The following AGK variants were observed in gnomAD, a reference collection of about 807,000 sequenced individuals.
The protein encoded by AGK is acylglycerol kinase, mitochondrial.
A neutral mutation model predicts 66.4 loss-of-function variants in AGK; 52 were observed. That is an observed-to-expected ratio of 0.78 (90% CI 0.63 to 0.99). The LOEUF is 0.99. AGK is among the 50% of genes least tolerant of loss of function. The probability of loss-of-function intolerance (pLI) is 0.00; values close to 1 mark genes in which losing one functional copy is unlikely to be tolerated. For synonymous variants in AGK, 182 were observed against 181.1 expected, an observed-to-expected ratio of 1.00 and a Z score of -0.04; for missense variants, 451 against 506.6, an observed-to-expected ratio of 0.89 and a Z score of 1.05.
intron 3 of AGK, among the ~76,000 whole-genome samples, chr7:141,595,136 C>T (rs1796201955): frequency 6.6e-6 from 1 of 152,144 alleles, no homozygotes; most frequent in Non-Finnish European, 1.5e-5. Flanking sequence ...TTAATGTAGT[C>T]TCACATAAAC....
rs548737155 is a variant in AGK at position 141,585,773 on chromosome 7, C to A, written c.102-7373C>A. Among the ~76,000 whole-genome samples the A allele has an allele frequency of 5.9e-5, 9 of 152,270 alleles. No individual in the cohort carries two copies. In the South Asian group the frequency reaches 1.9e-3, roughly 32 times the overall value. On this transcript the variant is annotated intron_variant, in intron 2 of 15. Coordinates refer to ENST00000649286, the MANE Select transcript of AGK (RefSeq NM_018238.4). Reference sequence around the variant, plus strand: ...CTATAGTAGCAGGCATGTTCTTATTCTTTTCAAGCCTCAGGCAGAGTGACA... The same window carrying A: ...CTATAGTAGCAGGCATGTTCTTATTATTTTCAAGCCTCAGGCAGAGTGACA...
intron 4 of AGK, chr7:141,597,308 G>A (rs566029209): frequency 9.2e-5 from 14 of 152,448 alleles, no homozygotes; most frequent in African/African-American, 2.4e-4. Context: ...ACACTAAAAC[G>A]TGGAGAGGCT....
intron 9 of AGK, among the ~76,000 whole-genome samples, chr7:141,632,640 A>G (rs1199869736): frequency 2.6e-5 from 4 of 152,182 alleles, no homozygotes; most frequent in Admixed American, 6.5e-5. Context: ...AAGCCCTGTT[A>G]TCTTACACAC....
At chr7:141,577,969 C>T (rs547551453) in intron 2 of AGK, among the ~76,000 whole-genome samples, 9 of 152,132 alleles carry the variant, frequency 5.9e-5, no homozygotes, top group South Asian at 2.1e-4. Flanking sequence ...CATGCCACCA[C>T]GCCCAGCTAA....
chr7:141,614,104 A>T, intron 6 of AGK, 42 bp from the exon 7 acceptor site: 1 of 1,359,600 alleles, frequency 7.4e-7, no homozygotes, highest in South Asian at 1.3e-5. Context: ...TGTAAAGGAA[A>T]TACATATTAT....
intron 9 of AGK, among the ~76,000 whole-genome samples, chr7:141,629,716 C>T (rs1005150186): frequency 1.3e-5 from 2 of 152,144 alleles, no homozygotes; most frequent in Non-Finnish European, 2.9e-5. Flanking sequence ...CAGCACTCCA[C>T]ATCAGTGGAA....
rs537846768 is a variant in AGK, at chr7:141,614,001, T to C, written c.391-145T>C. On this transcript the variant is annotated intron_variant, in intron 6 of 15. Transcript: ENST00000649286. ...TCTGATTCTATTGGAGAATACTATA[T>C]GTTTTAAGATCCAGTGCATCTTTTA... The C allele has an allele frequency of 1.4e-5, 8 of 586,058 alleles. 1 individual carries two copies. In the South Asian group the frequency reaches 1.6e-4, roughly 12 times the overall value. 36.3% of individuals were successfully genotyped at this position (586,058 alleles called of 1,614,324 possible).
intron 11 of AGK, among the ~76,000 whole-genome samples, chr7:141,637,532 A>T (rs1005495824): frequency 2.0e-5 from 3 of 152,098 alleles, no homozygotes; most frequent in African/African-American, 7.2e-5. Context: ...GGGCACTGCT[A>T]CTCTATATGA....
intron 5 of AGK, among the ~76,000 whole-genome samples, chr7:141,603,369 C>T (rs918311459): frequency 6.6e-6 from 1 of 151,964 alleles, no homozygotes; most frequent in Non-Finnish European, 1.5e-5. Flanking sequence ...ACATTTCGAC[C>T]CTGTCATAGA....
chr7:141,603,810 A>T (rs1289025907), intron 5 of AGK, among the ~76,000 whole-genome samples: 1 of 152,210 alleles, frequency 6.6e-6, no homozygotes, highest in Non-Finnish European at 1.5e-5. Flanking sequence ...ATGTATCTTG[A>T]CATGGTAGCT....
At chr7:141,640,238 G>A (rs751407538) in intron 11 of AGK, among the ~76,000 whole-genome samples, 3 of 152,120 alleles carry the variant, frequency 2.0e-5, no homozygotes, top group Non-Finnish European at 4.4e-5. Flanking sequence ...TGTGAACAAA[G>A]GTGTCCATTG....
rs982904015 is a variant in AGK, at chr7:141,654,197, G to A, written c.*1273G>A. 7 of 151,842 alleles carry A rather than the reference G, an allele frequency of 4.6e-5. No homozygotes were observed. In the East Asian group the frequency reaches 7.7e-4, roughly 17 times the overall value. The allele number at this position is 151,842 out of a possible 1,614,324, so 9.4% of individuals were successfully genotyped here. A position where few individuals can be genotyped will look rare whatever the true frequency, so the allele number is the denominator to read the frequency against. ...ATCTCAGTCCAGAACCAATATTATC[G>A]TAATTAATTATTGGTATATAATGAA... On this transcript the variant is annotated 3_prime_UTR_variant, in exon 16 of 16. Coordinates refer to ENST00000649286, the MANE Select transcript of AGK (RefSeq NM_018238.4).
chr7:141,568,306 T>G (rs981722770), intron 2 of AGK, among the ~76,000 whole-genome samples: 1 of 152,218 alleles, frequency 6.6e-6, no homozygotes, highest in East Asian at 1.9e-4. Flanking sequence ...GGAAGCCTTT[T>G]CCATCTGATT....
Position 141,641,116 on chromosome 7 carries a change from A to G in AGK, c.727-132A>G, listed in dbSNP as rs182881524. ...ATTCCATGCTCCAAACTAGCATTCC[A>G]TCCAGTGAGAGGAGATTATTAGTTC... On this transcript the variant is annotated intron_variant, in intron 11 of 15. Coordinates refer to ENST00000649286, the MANE Select transcript of AGK (RefSeq NM_018238.4). 290 of 726,084 alleles carry G rather than the reference A, an allele frequency of 4.0e-4. 2 individuals are homozygous for G. In the African/African-American group the frequency reaches 4.6e-3, roughly 11 times the overall value. 45.0% of individuals were successfully genotyped at this position (726,084 alleles called of 1,614,324 possible). A position where few individuals can be genotyped will look rare whatever the true frequency, so the allele number is the denominator to read the frequency against.
chr7:141,593,574 T>C, intron 3 of AGK: 1 of 559,512 alleles, frequency 1.8e-6, no homozygotes, highest in Non-Finnish European at 3.2e-6. Flanking sequence ...AAAAGTCAAA[T>C]CTTCTTAAAA....
intron 5 of AGK, among the ~76,000 whole-genome samples, chr7:141,602,230 C>T (rs528114156): frequency 1.0e-3 from 93 of 92,566 alleles, no homozygotes; most frequent in African/African-American, 2.7e-3. Context: ...GACAGGAGCT[C>T]ACTATGTTGC....
At chr7:141,584,113 G>A (rs1009762336) in intron 2 of AGK, among the ~76,000 whole-genome samples, 1 of 152,098 alleles carries the variant, frequency 6.6e-6, no homozygotes, top group African/African-American at 2.4e-5. Flanking sequence ...AATCACCTGG[G>A]TGCAGGTGGG....
chr7:141,554,715 G>T (rs754626675), intron 1 of AGK, among the ~76,000 whole-genome samples: 1 of 152,146 alleles, frequency 6.6e-6, no homozygotes, highest in Non-Finnish European at 1.5e-5. Context: ...ATGTCATGAA[G>T]AATAAAGATA....
intron 2 of AGK, among the ~76,000 whole-genome samples, chr7:141,583,088 G>A (rs986957753): frequency 6.6e-6 from 1 of 151,880 alleles, no homozygotes; most frequent in Non-Finnish European, 1.5e-5. Flanking sequence ...CCCATTTTAC[G>A]ACAAGAATTA....
Sources: allele counts gnomAD v4.1 joint callset (sites outside exome capture counted in the v4.1 genomes callset), GRCh38; gene constraint gnomAD v4.1.1; transcripts MANE v1.5; gene names NCBI Gene and HGNC (gene_info 2026-07-23, HGNC 2026-07-21).